The following OPHN1 variants were observed in gnomAD, a reference collection of about 807,000 sequenced individuals.
OPHN1 encodes the protein oligophrenin 1.
In OPHN1, 11 loss-of-function variants were observed where a neutral mutation model predicts 60.7. The observed-to-expected ratio is 0.18, with a 90% CI of 0.11 to 0.30. The LOEUF is 0.30. Among genes scored for constraint, OPHN1 ranks in the 10% least tolerant of loss-of-function variants. The pLI, the probability that OPHN1 is intolerant of heterozygous loss-of-function variation, is 1.00. For synonymous variants in OPHN1, 226 were observed against 222.6 expected, an observed-to-expected ratio of 1.02 and a Z score of -0.14; for missense variants, 449 against 611.0, an observed-to-expected ratio of 0.73 and a Z score of 2.80.
intron 15 of OPHN1, among the ~76,000 whole-genome samples, chrX:68,147,023 A>G (rs1293471369): frequency 8.9e-6 from 1 of 112,215 alleles, no homozygotes; most frequent in Non-Finnish European, 1.9e-5. Context: ...TCATAGTTCT[A>G]CAAAGTATAT....
At chrX:68,414,925 G>C (rs371314470) in intron 2 of OPHN1, among the ~76,000 whole-genome samples, 1 of 111,955 alleles carries the variant, frequency 8.9e-6, no homozygotes, top group East Asian at 2.8e-4. Context: ...AGGTGCATAA[G>C]AATAAAAAAA....
At chrX:68,385,804 G>C (rs2078621604) in intron 2 of OPHN1, among the ~76,000 whole-genome samples, 1 of 112,018 alleles carries the variant, frequency 8.9e-6, no homozygotes, top group Admixed American at 9.5e-5. Context: ...AGTGAATTCT[G>C]TTAGACTCTG....
Position 68,195,060 on chromosome X carries a change from AAGG to A in OPHN1, c.1105-565_1105-563del, listed in dbSNP as rs1257114228. Among the ~76,000 whole-genome samples the A allele has an allele frequency of 7.7e-3, 765 of 99,730 alleles. 10 individuals are homozygous for A. Among genetic ancestry groups the A allele is most frequent in the African/African-American group, 0.024 (524 of 21,697 alleles). The allele number at this position is 99,730 out of a possible 115,157, so 86.6% of individuals were successfully genotyped here. A position where few individuals can be genotyped will look rare whatever the true frequency, so the allele number is the denominator to read the frequency against. On this transcript the variant is annotated intron_variant, in intron 12 of 24. Transcript: ENST00000355520. Reference sequence around the variant, plus strand: ...GAAGGAAGGAAGGAAGGAAGGAAGGAAGGAAGAAAGAAAGAAAATACTTGAACA... The same window carrying A: ...GAAGGAAGGAAGGAAGGAAGGAAGGAAAGAAAGAAAGAAAATACTTGAACA...
intron 15 of OPHN1, among the ~76,000 whole-genome samples, chrX:68,127,084 G>A (rs771808501): frequency 9.0e-5 from 10 of 111,421 alleles, no homozygotes; most frequent in Admixed American, 4.8e-4. Context: ...GTAGACTGGT[G>A]AGTATCAGAG....
intron 21 of OPHN1, among the ~76,000 whole-genome samples, chrX:68,060,949 A>C (rs2076890674): frequency 8.9e-6 from 1 of 112,006 alleles, no homozygotes; most frequent in Non-Finnish European, 1.9e-5. Context: ...ATGCCAGGGA[A>C]TCTACTAGGA....
rs748968831 is a variant in OPHN1, at chrX:68,268,924, A to G, written c.384+5814T>C. Among the ~76,000 whole-genome samples the G allele has an allele frequency of 6.6e-4, 74 of 111,731 alleles. No homozygotes were observed. The South Asian group carries it at 0.028, about 42-fold the overall frequency. ...GATACAAAATCAATGTGCAAAAATC[A>G]TAAGCATTCTTATGCACCAATAACA... On this transcript the variant is annotated intron_variant, in intron 5 of 24. Transcript: ENST00000355520.
chrX:68,252,764 C>T (rs1457581486), intron 5 of OPHN1, among the ~76,000 whole-genome samples: 1 of 111,394 alleles, frequency 9.0e-6, no homozygotes, highest in Non-Finnish European at 1.9e-5. Context: ...GGCTTTTCCC[C>T]CCTTACTTGC....
chrX:68,118,889 T>A (rs1038355559), intron 16 of OPHN1, among the ~76,000 whole-genome samples: 1 of 112,015 alleles, frequency 8.9e-6, no homozygotes, highest in Non-Finnish European at 1.9e-5. Context: ...TATTATCCTC[T>A]AAAACATGTT....
At chrX:68,261,120 C>A (rs1038019067) in intron 5 of OPHN1, among the ~76,000 whole-genome samples, 1 of 111,429 alleles carries the variant, frequency 9.0e-6, no homozygotes, top group Non-Finnish European at 1.9e-5. Context: ...CACACTAGCT[C>A]CCACTCTCCA....
intron 18 of OPHN1, among the ~76,000 whole-genome samples, chrX:68,105,120 C>T (rs1466702174): frequency 9.0e-6 from 1 of 110,605 alleles, no homozygotes; most frequent in Non-Finnish European, 1.9e-5. Context: ...CCATCTCACG[C>T]CAGTTAGAAT....
In OPHN1 at chrX:68,115,168, T is replaced by A. The variant is rs777882166; in HGVS notation, c.1362-1929A>T. Among the ~76,000 whole-genome samples the A allele has an allele frequency of 4.4e-5, 5 of 112,541 alleles. No homozygotes were observed. In the South Asian group the frequency reaches 1.8e-3, roughly 41 times the overall value. On this transcript the variant is annotated intron_variant, in intron 16 of 24. Transcript: ENST00000355520. Reference sequence around the variant, plus strand: ...AATCAATGATCAAAATATTTTAAAATGAGATATTTCATATACAAACCCATA... The same window carrying A: ...AATCAATGATCAAAATATTTTAAAAAGAGATATTTCATATACAAACCCATA...
At chrX:68,371,219 CTTT>C (rs571482375) in intron 2 of OPHN1, among the ~76,000 whole-genome samples, 9 of 96,999 alleles carry the variant, frequency 9.3e-5, no homozygotes, top group Non-Finnish European at 2.1e-5. Flanking sequence ...CTTTTTCTTT[CTTT>C]TTTTTTTTTT....
intron 5 of OPHN1, among the ~76,000 whole-genome samples, chrX:68,243,284 G>A (rs1274315899): frequency 9.0e-6 from 1 of 111,030 alleles, no homozygotes; most frequent in African/African-American, 3.3e-5. Context: ...AAAGGGTTTT[G>A]GAAATATTTG....
chrX:68,215,059 G>C (rs2077602198), intron 6 of OPHN1, among the ~76,000 whole-genome samples: 1 of 110,886 alleles, frequency 9.0e-6, no homozygotes, highest in Admixed American at 9.6e-5. Flanking sequence ...TATGATAAGG[G>C]CTCTAATATA....
intron 15 of OPHN1, among the ~76,000 whole-genome samples, chrX:68,153,830 C>G (rs1286119621): frequency 1.8e-5 from 2 of 111,667 alleles, no homozygotes; most frequent in Admixed American, 1.9e-4. Context: ...AATTTATGAA[C>G]CTGAGACAGG....
At chrX:68,106,666 T>C (rs745720478) in intron 18 of OPHN1, among the ~76,000 whole-genome samples, 6 of 111,593 alleles carry the variant, frequency 5.4e-5, no homozygotes, top group Non-Finnish European at 1.1e-4. Context: ...ACTGGATAAC[T>C]GAGAACCTCA....
intron 2 of OPHN1, among the ~76,000 whole-genome samples, chrX:68,332,331 A>G (rs1341838727): frequency 9.0e-6 from 1 of 111,356 alleles, no homozygotes; most frequent in Non-Finnish European, 1.9e-5. Flanking sequence ...AAACCCAAAG[A>G]AAATGTGAAA....
At chrX:68,251,464 G>A (rs934052325) in intron 5 of OPHN1, among the ~76,000 whole-genome samples, 1 of 109,513 alleles carries the variant, frequency 9.1e-6, no homozygotes, top group East Asian at 2.9e-4. Context: ...GATTACAGGC[G>A]AGAGCCACCG....
chrX:68,105,875 C>T (rs2077079292), intron 18 of OPHN1, among the ~76,000 whole-genome samples: 1 of 110,273 alleles, frequency 9.1e-6, no homozygotes, highest in African/African-American at 3.3e-5. Context: ...AAAATGTGTT[C>T]CTATATTGAA....
Sources: gnomAD v4.1 joint callset for allele counts (sites outside exome capture counted in the v4.1 genomes callset) on GRCh38, gnomAD v4.1.1 for gene constraint, MANE v1.5 for transcripts, NCBI Gene and HGNC (gene_info 2026-07-23, HGNC 2026-07-21) for gene names.